TMC1: variants seen among roughly 807,000 people sequenced by gnomAD.
TMC1 encodes the protein transmembrane channel-like protein 1.
TMC1 carries 84 observed loss-of-function variants against 105.8 expected under a neutral mutation model. That is an observed-to-expected ratio of 0.79 (90% CI 0.67 to 0.95). The LOEUF (loss-of-function observed/expected upper bound fraction) is 0.95. Among genes scored for constraint, TMC1 ranks in the 40% least tolerant of loss-of-function variants. The probability of loss-of-function intolerance (pLI) is 0.00; values close to 1 mark genes in which losing one functional copy is unlikely to be tolerated. For missense variants in TMC1, 817 were observed against 914.1 expected (o/e 0.89, Z 1.37); for synonymous variants, 315 against 311.5 (o/e 1.01, Z -0.12).
chr9:72,572,615 T>C (rs1824307943), intron 1 of TMC1, among the ~76,000 whole-genome samples: 1 of 152,194 alleles, frequency 6.6e-6, no homozygotes, highest in Non-Finnish European at 1.5e-5. Context: ...AAAGGGGTAA[T>C]ACCTGTGTAC....
chr9:72,626,125 G>A (rs533062835), intron 3 of TMC1, among the ~76,000 whole-genome samples: 4 of 152,152 alleles, frequency 2.6e-5, no homozygotes, highest in Admixed American at 1.3e-4. Flanking sequence ...ACAGATGTTC[G>A]AATGAAGGAG....
At chr9:72,588,887 T>C (rs1392603965) in intron 2 of TMC1, among the ~76,000 whole-genome samples, 1 of 151,954 alleles carries the variant, frequency 6.6e-6, no homozygotes, top group Non-Finnish European at 1.5e-5. Flanking sequence ...GTGATTCTCC[T>C]GCCTCAGCCT....
At chr9:72,542,114 A>G (rs927367079) in intron 1 of TMC1, among the ~76,000 whole-genome samples, 7 of 152,150 alleles carry the variant, frequency 4.6e-5, no homozygotes, top group Admixed American at 4.6e-4. Context: ...ACTTGAGGCC[A>G]GAAGTTTGAA....
intron 9 of TMC1, 94 bp downstream of exon 9, chr9:72,740,303 G>A (rs1827366669): frequency 5.5e-6 from 6 of 1,090,778 alleles, no homozygotes; most frequent in Non-Finnish European, 5.6e-6. Flanking sequence ...CTTACATTTT[G>A]TATATATAAA....
chr9:72,624,325 A>C (rs1290234523), intron 3 of TMC1, among the ~76,000 whole-genome samples: 1 of 152,120 alleles, frequency 6.6e-6, no homozygotes. Context: ...ATGGTTGTTG[A>C]GAGTCTTCTT....
intron 2 of TMC1, among the ~76,000 whole-genome samples, chr9:72,603,340 T>A (rs151304535): frequency 1.3e-5 from 2 of 151,696 alleles, no homozygotes; most frequent in African/African-American, 4.8e-5. Context: ...CATAACCATG[T>A]GAGTATCATG....
chr9:72,727,162 C>G (rs749948469), intron 8 of TMC1, among the ~76,000 whole-genome samples: 25 of 152,160 alleles, frequency 1.6e-4, no homozygotes, highest in Non-Finnish European at 2.9e-4. Flanking sequence ...TCTGCCTACT[C>G]GAATTCTATT....
At chr9:72,811,408 A>T (rs1828701771) in intron 18 of TMC1, among the ~76,000 whole-genome samples, 1 of 152,170 alleles carries the variant, frequency 6.6e-6, no homozygotes. Context: ...CACAGTTCTC[A>T]GTGTTTCAGA....
At chr9:72,665,834 C>T (rs1484194992) in intron 5 of TMC1, among the ~76,000 whole-genome samples, 3 of 152,208 alleles carry the variant, frequency 2.0e-5, no homozygotes, top group Non-Finnish European at 4.4e-5. Flanking sequence ...GATGTATGCA[C>T]TACCAACACC....
intron 8 of TMC1, among the ~76,000 whole-genome samples, chr9:72,702,814 G>A (rs144300454): frequency 6.6e-5 from 10 of 152,172 alleles, no homozygotes; most frequent in African/African-American, 2.4e-4. Context: ...ATAGTTCTGT[G>A]GCAGATTTCA....
chr9:72,771,271 T>C (rs1212707960), intron 12 of TMC1, among the ~76,000 whole-genome samples: 2 of 152,238 alleles, frequency 1.3e-5, no homozygotes, highest in African/African-American at 2.4e-5. Flanking sequence ...TTGCCCCATA[T>C]TTTGAAAGCA....
At chr9:72,557,629 G>A (rs1328501703) in intron 1 of TMC1, among the ~76,000 whole-genome samples, 3 of 152,152 alleles carry the variant, frequency 2.0e-5, no homozygotes, top group East Asian at 1.9e-4. Flanking sequence ...ACATGATACC[G>A]ACTTCAGAGG....
At chr9:72,544,305 A>G (rs552297552) in intron 1 of TMC1, among the ~76,000 whole-genome samples, 1 of 151,652 alleles carries the variant, frequency 6.6e-6, no homozygotes, top group East Asian at 1.9e-4. Flanking sequence ...TCCAGAGCCT[A>G]TAAGGTGTCA....
chr9:72,812,929 C>G (rs1331030805), intron 18 of TMC1, among the ~76,000 whole-genome samples: 1 of 152,176 alleles, frequency 6.6e-6, no homozygotes, highest in Non-Finnish European at 1.5e-5. Flanking sequence ...ATATGTCTTC[C>G]CTCTGGGTGG....
At chr9:72,781,081 C>T (rs1052544654) in intron 13 of TMC1, among the ~76,000 whole-genome samples, 2 of 152,142 alleles carry the variant, frequency 1.3e-5, no homozygotes, top group Non-Finnish European at 2.9e-5. Flanking sequence ...AAGCAATTCT[C>T]AGCAAATTAA....
At chr9:72,668,745 G>C (rs1826082095) in intron 5 of TMC1, among the ~76,000 whole-genome samples, 1 of 152,102 alleles carries the variant, frequency 6.6e-6, no homozygotes, top group African/African-American at 2.4e-5. Context: ...AATACTGTGG[G>C]ATTAAAATAA....
chr9:72,521,840 T>TGC lies in TMC1; in HGVS notation c.-501_-500insGC, dbSNP rs1823317741. ...GCAGAACCCAGCAATCTGTGCTTTCTTTCACAAGCCCTCCAGGAGTTGCTG... is the reference window on the plus strand; with the variant it reads ...GCAGAACCCAGCAATCTGTGCTTTCTGCTTCACAAGCCCTCCAGGAGTTGCTG... On this transcript the variant is annotated 5_prime_UTR_variant, in exon 1 of 24. It introduces an in-frame stop codon into an upstream open reading frame of the 5' UTR. Transcript: ENST00000297784. 6.6e-6 allele frequency: 1 copy of TGC among 152,210 alleles called. No homozygotes were observed. Among genetic ancestry groups the TGC allele is most frequent in the Non-Finnish European group, 1.5e-5 (1 of 68,038 alleles). The allele number at this position is 152,210 out of a possible 1,614,324, so 9.4% of individuals were successfully genotyped here. A position where few individuals can be genotyped will look rare whatever the true frequency, so the allele number is the denominator to read the frequency against.
chr9:72,660,839 C>G (rs1339275824), intron 5 of TMC1, among the ~76,000 whole-genome samples: 1 of 152,102 alleles, frequency 6.6e-6, no homozygotes, highest in Non-Finnish European at 1.5e-5. Flanking sequence ...TTGTCCTTCC[C>G]TTTTCATTTT....
intron 8 of TMC1, among the ~76,000 whole-genome samples, chr9:72,701,426 T>A (rs751243653): frequency 6.6e-6 from 1 of 152,120 alleles, no homozygotes; most frequent in Non-Finnish European, 1.5e-5. Context: ...CCCTGGTGGT[T>A]GGGAGAGGAG....
Sources: allele counts gnomAD v4.1 joint callset (sites outside exome capture counted in the v4.1 genomes callset), GRCh38; gene constraint gnomAD v4.1.1; transcripts MANE v1.5; gene names NCBI Gene and HGNC (gene_info 2026-07-23, HGNC 2026-07-21).